MDGA2: variants seen among roughly 807,000 people sequenced by gnomAD.
MDGA2 encodes the protein MAM domain containing glycosylphosphatidylinositol anchor 2, also known as MAM domain-containing glycosylphosphatidylinositol anchor protein 2.
MDGA2 carries 40 observed loss-of-function variants against 117.8 expected under a neutral mutation model. The observed-to-expected ratio is 0.34, with a 90% CI of 0.26 to 0.44. The LOEUF (loss-of-function observed/expected upper bound fraction) is 0.44. Ranked by LOEUF, MDGA2 falls within the 20% of genes least tolerant of loss-of-function variation. MDGA2 has a pLI of 1.00. For missense variants in MDGA2, 1,123 were observed against 1,250.6 expected (o/e 0.90, Z 1.54); for synonymous variants, 452 against 439.0 (o/e 1.03, Z -0.37).
chr14:47,010,468 A>C (rs1361880195), intron 8 of MDGA2, among the ~76,000 whole-genome samples: 1 of 152,070 alleles, frequency 6.6e-6, no homozygotes, highest in Non-Finnish European at 1.5e-5. Context: ...CACCTTTCTG[A>C]CATATTCCAA....
At chr14:46,990,900 A>ACC in intron 8 of MDGA2, among the ~76,000 whole-genome samples, 1 of 89,390 alleles carries the variant, frequency 1.1e-5, no homozygotes, top group Non-Finnish European at 2.5e-5. Context: ...ACACACACAC[A>ACC]CCCCGCGTAA....
At chr14:47,648,703 G>A (rs1897583038) in intron 1 of MDGA2, among the ~76,000 whole-genome samples, 2 of 148,878 alleles carry the variant, frequency 1.3e-5, no homozygotes, top group South Asian at 4.7e-4. Context: ...CATAAGACTG[G>A]ATAAATAAAA....
intron 1 of MDGA2, among the ~76,000 whole-genome samples, chr14:47,367,521 G>A (rs372555225): frequency 4.6e-5 from 7 of 152,046 alleles, no homozygotes; most frequent in Admixed American, 2.0e-4. Context: ...ATACTGTTTC[G>A]CAGGTAACCA....
chr14:47,596,046 T>C (rs908225322), intron 1 of MDGA2, among the ~76,000 whole-genome samples: 17 of 152,258 alleles, frequency 1.1e-4, no homozygotes, highest in African/African-American at 3.1e-4. Flanking sequence ...TGAGGCCAGG[T>C]TGGGGAACCT....
intron 6 of MDGA2, among the ~76,000 whole-genome samples, chr14:47,074,605 CT>C (rs1890423243): frequency 6.6e-6 from 1 of 152,212 alleles, no homozygotes; most frequent in African/African-American, 2.4e-5. Context: ...CAGCCCAGAA[CT>C]TTTAACAATT....
chr14:47,145,399 C>T (rs1033406887), intron 3 of MDGA2, among the ~76,000 whole-genome samples: 4 of 152,198 alleles, frequency 2.6e-5, no homozygotes, highest in Non-Finnish European at 4.4e-5. Context: ...AGACACTCCT[C>T]AACCAGCTTT....
chr14:47,054,113 A>G lies in MDGA2; in HGVS notation c.1525+7136T>C, dbSNP rs554220278. 1.1e-4 allele frequency among the ~76,000 whole-genome samples: 17 copies of G among 151,980 alleles called. No individual in the cohort carries two copies. In the East Asian group the frequency reaches 1.8e-3, roughly 16 times the overall value. ...GATTGTGAGTACTACCCAGCACCTT[A>G]TCTGATTCCTATCTATCTGTCCAAC... On this transcript the variant is annotated intron_variant, in intron 7 of 16. Coordinates refer to ENST00000399232, the MANE Select transcript of MDGA2 (RefSeq NM_001113498.3).
rs182932834 is a variant in MDGA2 at position 47,075,784 on chromosome 14, A to C, written c.1196-14206T>G. On this transcript the variant is annotated intron_variant, in intron 6 of 16. Transcript: ENST00000399232. Reference sequence around the variant, plus strand: ...TTTGTACTATTCTTGATATTTAAAAAATTTTTTCTTAAGAAGTTGAGAAAT... The same window carrying C: ...TTTGTACTATTCTTGATATTTAAAACATTTTTTCTTAAGAAGTTGAGAAAT... Among the ~76,000 whole-genome samples the C allele has an allele frequency of 2.5e-4, 38 of 152,244 alleles. No individual in the cohort carries two copies. In the East Asian group the frequency reaches 4.1e-3, roughly 16 times the overall value.
intron 1 of MDGA2, among the ~76,000 whole-genome samples, chr14:47,532,254 G>A (rs1473105123): frequency 6.6e-6 from 1 of 152,152 alleles, no homozygotes; most frequent in Non-Finnish European, 1.5e-5. Context: ...TTAAAGAAAT[G>A]CATTAGATCT....
Position 47,000,373 on chromosome 14 carries a change from A to ATT in MDGA2, c.1819+34637_1819+34638insAA, listed in dbSNP as rs1425365575. Among the ~76,000 whole-genome samples, 31 of 89,652 alleles carry ATT rather than the reference A, an allele frequency of 3.5e-4. 1 individual carries two copies. The highest frequency in any genetic ancestry group is 1.5e-3 in the African/African-American group (29 of 19,782). The allele number at this position is 89,652 out of a possible 152,430, so 58.8% of individuals were successfully genotyped here. On this transcript the variant is annotated intron_variant, in intron 8 of 16. Coordinates refer to ENST00000399232, the MANE Select transcript of MDGA2 (RefSeq NM_001113498.3). ...TACACACACATATATATGTATATAT[A>ATT]TATTTATATATATATATTTATATAT...
At chr14:46,919,309 A>T (rs1440621384) in intron 10 of MDGA2, among the ~76,000 whole-genome samples, 2 of 152,218 alleles carry the variant, frequency 1.3e-5, no homozygotes, top group African/African-American at 4.8e-5. Flanking sequence ...TGTGGTGATC[A>T]AATAAATCTT....
intron 2 of MDGA2, among the ~76,000 whole-genome samples, chr14:47,234,318 C>T (rs1450110684): frequency 1.3e-5 from 2 of 151,220 alleles, no homozygotes; most frequent in Non-Finnish European, 3.0e-5. Flanking sequence ...TAATAACAAA[C>T]CCTCTAGTAT....
chr14:47,232,777 T>C (rs1886734680), intron 2 of MDGA2, among the ~76,000 whole-genome samples: 1 of 152,194 alleles, frequency 6.6e-6, no homozygotes, highest in Admixed American at 6.5e-5. Context: ...TGACAGATAC[T>C]CTTAGCTGCC....
intron 9 of MDGA2, among the ~76,000 whole-genome samples, chr14:46,947,817 G>A (rs1954234): frequency 0.31 from 47,485 of 151,408 alleles, 8,973 homozygotes; most frequent in African/African-American, 0.53. Context: ...TAATACAGTC[G>A]TCCTTTTTAC....
intron 1 of MDGA2, among the ~76,000 whole-genome samples, chr14:47,562,630 T>G (rs1407980990): frequency 6.6e-6 from 1 of 152,172 alleles, no homozygotes; most frequent in Non-Finnish European, 1.5e-5. Flanking sequence ...CTTTTTTCCT[T>G]TATTGGTCTA....
chr14:46,966,966 AT>A (rs1886058303), intron 8 of MDGA2, among the ~76,000 whole-genome samples: 1 of 150,756 alleles, frequency 6.6e-6, no homozygotes, highest in African/African-American at 2.5e-5. Context: ...GACAGCATGA[AT>A]AAAATTTTGC....
chr14:47,666,171 C>T (rs1203956260), intron 1 of MDGA2, among the ~76,000 whole-genome samples: 1 of 151,254 alleles, frequency 6.6e-6, no homozygotes, highest in Non-Finnish European at 1.5e-5. Context: ...CCAATCGGCA[C>T]TCTGTATCTA....
chr14:47,613,400 T>C (rs2138910067), intron 1 of MDGA2, among the ~76,000 whole-genome samples: 1 of 152,072 alleles, frequency 6.6e-6, no homozygotes, highest in African/African-American at 2.4e-5. Context: ...AAGAGGGGAA[T>C]GCATATTTTG....
chr14:47,422,026 A>G (rs919910561), intron 1 of MDGA2, among the ~76,000 whole-genome samples: 3 of 152,148 alleles, frequency 2.0e-5, no homozygotes, highest in Admixed American at 2.0e-4. Flanking sequence ...ATGCCACTAA[A>G]AAGACACTTT....
Sources: allele counts gnomAD v4.1 joint callset (sites outside exome capture counted in the v4.1 genomes callset), GRCh38; gene constraint gnomAD v4.1.1; transcripts MANE v1.5; gene names NCBI Gene and HGNC (gene_info 2026-07-23, HGNC 2026-07-21).